BMPER: variants seen among roughly 807,000 people sequenced by gnomAD.
BMPER encodes the protein BMP-binding endothelial regulator protein.
BMPER carries 45 observed loss-of-function variants against 87.3 expected under a neutral mutation model. That is an observed-to-expected ratio of 0.52 (90% CI 0.41 to 0.66). The LOEUF (loss-of-function observed/expected upper bound fraction) is 0.66, where lower values mean the gene tolerates loss of function less well. Ranked by LOEUF, BMPER falls within the 30% of genes least tolerant of loss-of-function variation. The pLI, the probability that BMPER is intolerant of heterozygous loss-of-function variation, is 0.00. For synonymous variants in BMPER, 326 were observed against 316.2 expected (o/e 1.03, Z -0.33); for missense variants, 784 against 867.5 (o/e 0.90, Z 1.21).
intron 3 of BMPER, among the ~76,000 whole-genome samples, chr7:33,939,691 C>T (rs899699965): frequency 1.3e-5 from 2 of 152,164 alleles, no homozygotes; most frequent in African/African-American, 4.8e-5. Context: ...TTGCTTGGCA[C>T]TTCTCCTCCC....
At chr7:34,090,964 T>C (rs1249292356) in intron 13 of BMPER, among the ~76,000 whole-genome samples, 1 of 152,182 alleles carries the variant, frequency 6.6e-6, no homozygotes, top group African/African-American at 2.4e-5. Context: ...ATGCAGTGGA[T>C]TTTACAGCTG....
chr7:33,991,099 T>A (rs567678978), intron 6 of BMPER, among the ~76,000 whole-genome samples: 1 of 146,730 alleles, frequency 6.8e-6, no homozygotes, highest in South Asian at 2.2e-4. Context: ...TGTCTCTGCC[T>A]GGCTTTGGTA....
At chr7:34,095,705 T>G (rs1789511474) in intron 13 of BMPER, among the ~76,000 whole-genome samples, 1 of 151,966 alleles carries the variant, frequency 6.6e-6, no homozygotes. Flanking sequence ...GCCAAGTTTA[T>G]GACCCATTTC....
At chr7:33,938,572 A>G (rs760013502) in intron 3 of BMPER, among the ~76,000 whole-genome samples, 18 of 152,266 alleles carry the variant, frequency 1.2e-4, no homozygotes, top group Admixed American at 6.5e-4. Context: ...CTTCAGAGGT[A>G]GCATGCCCTG....
At chr7:33,938,890 G>A (rs1784679058) in intron 3 of BMPER, among the ~76,000 whole-genome samples, 1 of 152,178 alleles carries the variant, frequency 6.6e-6, no homozygotes, top group Non-Finnish European at 1.5e-5. Flanking sequence ...GCCAGGTGTG[G>A]TTGTGGGTGC....
intron 13 of BMPER, among the ~76,000 whole-genome samples, chr7:34,113,313 T>C (rs1790028796): frequency 6.6e-6 from 1 of 151,846 alleles, no homozygotes; most frequent in Non-Finnish European, 1.5e-5. Flanking sequence ...ATAGTAGTTA[T>C]TATCATATGC....
At chr7:34,128,086 G>A (rs1021189794) in intron 13 of BMPER, among the ~76,000 whole-genome samples, 6 of 152,130 alleles carry the variant, frequency 3.9e-5, no homozygotes, top group South Asian at 2.1e-4. Context: ...TTGATTTCTC[G>A]TGATGTCTGT....
intron 13 of BMPER, among the ~76,000 whole-genome samples, chr7:34,108,906 A>G (rs909151569): frequency 6.6e-6 from 1 of 152,186 alleles, no homozygotes; most frequent in Non-Finnish European, 1.5e-5. Flanking sequence ...TAAGCCTACA[A>G]TATTTCTTGC....
chr7:33,972,028 G>A (rs1298578700), intron 5 of BMPER, among the ~76,000 whole-genome samples: 2 of 151,838 alleles, frequency 1.3e-5, no homozygotes, highest in Non-Finnish European at 2.9e-5. Context: ...TCAGCCTCCC[G>A]AGTAGCTGGG....
intron 8 of BMPER, among the ~76,000 whole-genome samples, chr7:34,053,906 GT>G (rs1788210959): frequency 6.6e-6 from 1 of 152,104 alleles, no homozygotes; most frequent in South Asian, 2.1e-4. Flanking sequence ...ATGCAGGATG[GT>G]TTCAGATCTC....
intron 6 of BMPER, among the ~76,000 whole-genome samples, chr7:33,981,663 T>C (rs1785864581): frequency 6.6e-6 from 1 of 152,184 alleles, no homozygotes; most frequent in Non-Finnish European, 1.5e-5. Context: ...TGGATGCTGG[T>C]TTTTATTTTC....
At chr7:34,099,404 T>C (rs1789617240) in intron 13 of BMPER, among the ~76,000 whole-genome samples, 1 of 152,276 alleles carries the variant, frequency 6.6e-6, no homozygotes, top group African/African-American at 2.4e-5. Context: ...TGCTATAATG[T>C]ATTTTCATTT....
At chr7:33,940,782 A>G (rs1253679552) in intron 3 of BMPER, among the ~76,000 whole-genome samples, 2 of 149,990 alleles carry the variant, frequency 1.3e-5, no homozygotes, top group East Asian at 3.9e-4. Context: ...CTTTGGAACT[A>G]AATAATGTCT....
intron 13 of BMPER, among the ~76,000 whole-genome samples, chr7:34,112,581 T>C (rs924117853): frequency 6.7e-6 from 1 of 149,766 alleles, no homozygotes; most frequent in African/African-American, 2.5e-5. Context: ...TTTTGAGGTA[T>C]ACGTGCATAT....
chr7:34,063,733 A>G (rs1001587040), intron 11 of BMPER, among the ~76,000 whole-genome samples: 1 of 152,206 alleles, frequency 6.6e-6, no homozygotes, highest in Non-Finnish European at 1.5e-5. Flanking sequence ...TTGTTTATGG[A>G]TGGTTCAGAG....
intron 7 of BMPER, 81 bp downstream of exon 7, chr7:34,046,486 T>C (rs2127957843): frequency 7.0e-7 from 1 of 1,424,708 alleles, no homozygotes; most frequent in Non-Finnish European, 9.9e-7. Flanking sequence ...ACGTTGTTGT[T>C]TTGAGATTCT....
intron 1 of BMPER, among the ~76,000 whole-genome samples, 157 bp from the exon 2 acceptor site, chr7:33,906,661 A>G (rs1389876525): frequency 6.6e-6 from 1 of 152,202 alleles, no homozygotes; most frequent in Non-Finnish European, 1.5e-5. Context: ...AGTTGGGGGC[A>G]GAGGTTTTGC....
At chr7:33,936,804 TTTG>T (rs1323116096) in intron 2 of BMPER, among the ~76,000 whole-genome samples, 1 of 152,190 alleles carries the variant, frequency 6.6e-6, no homozygotes, top group Non-Finnish European at 1.5e-5. Context: ...AATATTCAAC[TTTG>T]TCATTATTTG....
chr7:34,068,455 C>T (rs1369055455), intron 11 of BMPER, among the ~76,000 whole-genome samples: 1 of 152,228 alleles, frequency 6.6e-6, no homozygotes, highest in Non-Finnish European at 1.5e-5. Flanking sequence ...GTTGTCCCTC[C>T]AACCACACCT....
Sources: gnomAD v4.1 joint callset for allele counts (sites outside exome capture counted in the v4.1 genomes callset) on GRCh38, gnomAD v4.1.1 for gene constraint, MANE v1.5 for transcripts, NCBI Gene and HGNC (gene_info 2026-07-23, HGNC 2026-07-21) for gene names.